PTPRD: variants seen among roughly 807,000 people sequenced by gnomAD.
The protein encoded by PTPRD is receptor-type tyrosine-protein phosphatase delta.
A neutral mutation model predicts 214.5 loss-of-function variants in PTPRD; 34 were observed. The observed-to-expected ratio is 0.16, with a 90% confidence interval of 0.12 to 0.21. The LOEUF (loss-of-function observed/expected upper bound fraction) is 0.21, where lower values mean the gene tolerates loss of function less well. Among genes scored for constraint, PTPRD ranks in the 10% least tolerant of loss-of-function variants. The pLI is 1.00. For missense variants in PTPRD, 2,545 were observed against 2,398.7 expected, an observed-to-expected ratio of 1.06 and a Z score of -1.27; for synonymous variants, 1,128 against 845.7, an observed-to-expected ratio of 1.33 and a Z score of -5.79.
At chr9:9,220,338 G>C (rs1481493721) in intron 9 of PTPRD, among the ~76,000 whole-genome samples, 1 of 140,810 alleles carries the variant, frequency 7.1e-6, no homozygotes, top group Non-Finnish European at 1.5e-5. Context: ...TATCTAGAAG[G>C]CTTCATATTG....
intron 3 of PTPRD, among the ~76,000 whole-genome samples, chr9:10,218,254 A>C (rs2099550652): frequency 6.6e-6 from 1 of 151,964 alleles, no homozygotes; most frequent in South Asian, 2.1e-4. Flanking sequence ...AAGCAAGCAC[A>C]CAAACAAATG....
chr9:10,365,597 T>C (rs1306573748), intron 2 of PTPRD, among the ~76,000 whole-genome samples: 4 of 152,152 alleles, frequency 2.6e-5, no homozygotes, highest in Non-Finnish European at 5.9e-5. Flanking sequence ...TCTGAGACAC[T>C]CCAGATTATC....
chr9:9,406,087 A>G (rs1298225929), intron 8 of PTPRD, among the ~76,000 whole-genome samples: 1 of 152,034 alleles, frequency 6.6e-6, no homozygotes, highest in East Asian at 1.9e-4. Flanking sequence ...CTCTATTTAA[A>G]GGAATAAAAT....
At chr9:9,695,865 A>G (rs1321425644) in intron 7 of PTPRD, among the ~76,000 whole-genome samples, 1 of 152,064 alleles carries the variant, frequency 6.6e-6, no homozygotes, top group Non-Finnish European at 1.5e-5. Context: ...GTTTTCTTTT[A>G]TATAGCATCC....
intron 10 of PTPRD, among the ~76,000 whole-genome samples, chr9:9,079,470 G>GA (rs1320448915): frequency 2.0e-5 from 3 of 152,110 alleles, no homozygotes; most frequent in African/African-American, 4.8e-5. Context: ...GTAGATGTGA[G>GA]ATGCAGATGT....
At chr9:9,933,991 T>C (rs1419189336) in intron 5 of PTPRD, among the ~76,000 whole-genome samples, 10 of 144,624 alleles carry the variant, frequency 6.9e-5, no homozygotes, top group Admixed American at 1.4e-4. Flanking sequence ...GGGTACATAA[T>C]GAAATGAAGG....
At chr9:8,667,099 G>C (rs181016977) in intron 12 of PTPRD, among the ~76,000 whole-genome samples, 2 of 152,268 alleles carry the variant, frequency 1.3e-5, no homozygotes, top group Admixed American at 1.3e-4. Flanking sequence ...AACACTTTAG[G>C]AGGCTGAGGC....
intron 3 of PTPRD, among the ~76,000 whole-genome samples, chr9:10,065,087 C>A (rs1175553549): frequency 6.8e-6 from 1 of 147,680 alleles, no homozygotes; most frequent in African/African-American, 2.5e-5. Flanking sequence ...GCTACGCTGT[C>A]TCTGGAAATT....
chr9:10,273,468 A>G (rs1299563046), intron 3 of PTPRD, among the ~76,000 whole-genome samples: 2 of 152,164 alleles, frequency 1.3e-5, no homozygotes, highest in Admixed American at 1.3e-4. Context: ...AAAAATTTAA[A>G]GAAAGAAAAA....
intron 9 of PTPRD, among the ~76,000 whole-genome samples, chr9:9,241,434 T>A (rs762621727): frequency 2.0e-5 from 3 of 152,136 alleles, no homozygotes; most frequent in Non-Finnish European, 2.9e-5. Flanking sequence ...CTTCTTAACT[T>A]ACAAATGCTT....
At chr9:8,333,768 A>G (rs1554710179) in intron 43 of PTPRD, among the ~76,000 whole-genome samples, 1 of 151,454 alleles carries the variant, frequency 6.6e-6, no homozygotes, top group Non-Finnish European at 1.5e-5. Flanking sequence ...CCAATTGGAT[A>G]AAGAGTAAAG....
intron 5 of PTPRD, among the ~76,000 whole-genome samples, chr9:9,913,646 T>A (rs1350278919): frequency 6.6e-6 from 1 of 152,092 alleles, no homozygotes; most frequent in Non-Finnish European, 1.5e-5. Context: ...AGGAGGGACT[T>A]CCTATTGCCA....
chr9:9,248,885 A>G (rs568776639), intron 9 of PTPRD, among the ~76,000 whole-genome samples: 5 of 152,014 alleles, frequency 3.3e-5, no homozygotes, highest in Non-Finnish European at 7.4e-5. Flanking sequence ...AGAGATTTCT[A>G]CTCTAAAGAA....
chr9:8,904,217 T>A lies in PTPRD; in HGVS notation c.-104+114480A>T, dbSNP rs2098692018. ...ACCTTTAAGTAATTTAGCATTTATC[T>A]CCTAAGAACTACTAGGACATTCTTT... On this transcript the variant is annotated intron_variant, in intron 11 of 45. Coordinates refer to ENST00000381196, the MANE Select transcript of PTPRD (RefSeq NM_002839.4). Among the ~76,000 whole-genome samples, 3 of 152,234 alleles carry A rather than the reference T, an allele frequency of 2.0e-5. No individual in the cohort carries two copies. In the South Asian group the frequency reaches 6.2e-4, roughly 32 times the overall value.
intron 7 of PTPRD, among the ~76,000 whole-genome samples, chr9:9,604,059 T>C (rs898812169): frequency 3.9e-5 from 6 of 152,108 alleles, no homozygotes; most frequent in Non-Finnish European, 7.4e-5. Context: ...TTAGTTTGAT[T>C]AATATAATTT....
At chr9:8,858,925 C>T (rs1333874115) in intron 11 of PTPRD, among the ~76,000 whole-genome samples, 3 of 152,212 alleles carry the variant, frequency 2.0e-5, no homozygotes, top group East Asian at 1.9e-4. Flanking sequence ...AAAAGACCCT[C>T]TCCAACAGAT....
chr9:8,552,189 A>G (rs1323390011), intron 14 of PTPRD, among the ~76,000 whole-genome samples: 1 of 152,144 alleles, frequency 6.6e-6, no homozygotes, highest in Non-Finnish European at 1.5e-5. Context: ...CCACAACCCT[A>G]GCAAAACCCA....
chr9:9,789,741 G>A (rs1310945642), intron 5 of PTPRD, among the ~76,000 whole-genome samples: 2 of 128,278 alleles, frequency 1.6e-5, no homozygotes, highest in Non-Finnish European at 3.1e-5. Context: ...AGCTTGCAGT[G>A]AGCCGAGATT....
intron 9 of PTPRD, among the ~76,000 whole-genome samples, chr9:9,316,959 C>CTATATAA (rs1276513793): frequency 6.6e-6 from 1 of 152,066 alleles, no homozygotes; most frequent in Non-Finnish European, 1.5e-5. Flanking sequence ...AGGAATCTGC[C>CTATATAA]CTCATTTCTT....
Sources: gnomAD v4.1 joint callset for allele counts (sites outside exome capture counted in the v4.1 genomes callset) on GRCh38, gnomAD v4.1.1 for gene constraint, MANE v1.5 for transcripts, NCBI Gene and HGNC (gene_info 2026-07-23, HGNC 2026-07-21) for gene names.